The following DGUOK variants were observed in gnomAD, a reference collection of about 807,000 sequenced individuals.
DGUOK encodes deoxyguanosine kinase.
A neutral mutation model predicts 36.6 loss-of-function variants in DGUOK; 30 were observed. The ratio of observed to expected loss-of-function variants is 0.82; its 90% CI spans 0.61 to 1.11. The LOEUF is 1.11. Among genes scored for constraint, DGUOK ranks in the 50% most tolerant of loss-of-function variants. The pLI is 0.00. For missense variants in DGUOK, 361 were observed against 336.4 expected (o/e 1.07, Z -0.57); for synonymous variants, 145 against 126.3 (o/e 1.15, Z -0.99).
Position 73,926,906 on chromosome 2 carries a change from G to A in DGUOK, c.-5G>A, listed in dbSNP as rs756028511. 1.2e-6 allele frequency: 2 copies of A among 1,613,372 alleles called. No homozygotes were observed. The highest frequency in any genetic ancestry group is 1.7e-6 in the Non-Finnish European group (2 of 1,180,008). On this transcript the variant is annotated 5_prime_UTR_variant, in exon 1 of 7. In the 5' UTR this introduces an upstream ATG that the reference lacks. Transcript: ENST00000264093. ...GAAGTGATCGCTGTGTGAATCGTGG[G>A]TGGGATGGCCGCGGGCCGCCTCTTT...
intron 2 of DGUOK, among the ~76,000 whole-genome samples, chr2:73,945,315 T>C (rs984099101): frequency 1.2e-4 from 18 of 152,232 alleles, no homozygotes; most frequent in Admixed American, 8.5e-4. Flanking sequence ...ACATTCCAGC[T>C]TCGTACATCC....
chr2:73,935,180 G>A (rs1326306328), intron 1 of DGUOK, among the ~76,000 whole-genome samples: 1 of 152,202 alleles, frequency 6.6e-6, no homozygotes, highest in Non-Finnish European at 1.5e-5. Context: ...GGCAGAGGTT[G>A]CTGTGAGCCA....
chr2:73,946,119 G>A (rs923003274), intron 2 of DGUOK, among the ~76,000 whole-genome samples: 2 of 151,662 alleles, frequency 1.3e-5, no homozygotes, highest in African/African-American at 2.4e-5. Context: ...TGCACATGCC[G>A]AGTAAGTGGA....
rs1573581710 is a variant in DGUOK, at chr2:73,957,202, T to TG, written c.671dup (p.Gln225ProfsTer16). On this transcript the variant is annotated frameshift_variant, in exon 5 of 7. Transcript: ENST00000264093. LOFTEE classifies it high-confidence loss of function. Reference sequence around the variant, plus strand: ...AGCTGGCCTATCTAGAGCAGCTGCATGGCCAACACGAAGCCTGGCTTATTC... The same window carrying TG: ...AGCTGGCCTATCTAGAGCAGCTGCATGGGCCAACACGAAGCCTGGCTTATTC... 1.2e-6 allele frequency: 2 copies of TG among 1,614,122 alleles called. No homozygotes were observed. Among genetic ancestry groups the TG allele is most frequent in the Non-Finnish European group, 1.7e-6 (2 of 1,180,004 alleles).
chr2:73,931,717 A>G (rs371249765), intron 1 of DGUOK, among the ~76,000 whole-genome samples: 3 of 152,254 alleles, frequency 2.0e-5, no homozygotes, highest in South Asian at 2.1e-4. Context: ...TGTTTGCTGC[A>G]GTACCCATAG....
At chr2:73,930,782 CTTTTTTTTTTTCTTTTTTTTTT>C (rs1285056513) in intron 1 of DGUOK, among the ~76,000 whole-genome samples, 1 of 95,476 alleles carries the variant, frequency 1.0e-5, no homozygotes, top group Non-Finnish European at 2.2e-5. Context: ...ACATAATTTT[CTTTTTTTTTTTCTTTTTTTTTT>C]TTTTTTTTTG....
chr2:73,957,478 A>C (rs1412793605), intron 5 of DGUOK, among the ~76,000 whole-genome samples: 1 of 152,198 alleles, frequency 6.6e-6, no homozygotes. Context: ...ATTCAAGACC[A>C]GCCTGGCCAA....
At chr2:73,954,054 T>C (rs926741485) in intron 4 of DGUOK, among the ~76,000 whole-genome samples, 3 of 151,850 alleles carry the variant, frequency 2.0e-5, no homozygotes, top group African/African-American at 7.2e-5. Context: ...CGGGCCAGAC[T>C]GGACCAGGCG....
At chr2:73,932,573 G>A in intron 1 of DGUOK, 1 of 1,257,318 alleles carries the variant, frequency 8.0e-7, no homozygotes, top group Non-Finnish European at 1.0e-6. Context: ...TTTAAATCAA[G>A]AGTGATCATC....
chr2:73,954,944 AT>A (rs973656945), intron 4 of DGUOK, among the ~76,000 whole-genome samples: 1 of 152,162 alleles, frequency 6.6e-6, no homozygotes, highest in African/African-American at 2.4e-5. Flanking sequence ...TTTGCACGGG[AT>A]TTTTTTAAAT....
chr2:73,944,928 G>T (rs1356718185), intron 2 of DGUOK, among the ~76,000 whole-genome samples: 3 of 150,066 alleles, frequency 2.0e-5, no homozygotes, highest in Non-Finnish European at 4.4e-5. Context: ...CTTAGTCAGG[G>T]GCCACGTGTG....
intron 1 of DGUOK, among the ~76,000 whole-genome samples, chr2:73,932,009 G>A (rs1348633861): frequency 6.6e-6 from 1 of 152,130 alleles, no homozygotes; most frequent in East Asian, 1.9e-4. Context: ...GGGGAGGTTA[G>A]AGTGATATGT....
intron 1 of DGUOK, among the ~76,000 whole-genome samples, chr2:73,931,667 A>G (rs1232754261): frequency 6.6e-6 from 1 of 152,174 alleles, no homozygotes; most frequent in Non-Finnish European, 1.5e-5. Flanking sequence ...GTAGGATGAG[A>G]AAGAAAGCTC....
chr2:73,951,021 T>C (rs2104965082), intron 4 of DGUOK, among the ~76,000 whole-genome samples: 1 of 152,226 alleles, frequency 6.6e-6, no homozygotes, highest in Admixed American at 6.5e-5. Flanking sequence ...GGTTTGCAGG[T>C]GGGACGCTCT....
rs763441864 is a variant in DGUOK, at chr2:73,958,136, C to T, written c.708-10C>T. 1.2e-6 allele frequency: 2 copies of T among 1,610,826 alleles called. No individual in the cohort carries two copies. The highest frequency in any genetic ancestry group is 1.7e-6 in the Non-Finnish European group (2 of 1,177,186). ...TTTTTCTGTCCCCCAAACGTTCACG[C>T]TTCTTATAGGCTCCACTTTGAGGCT... On this transcript the variant is annotated splice_polypyrimidine_tract_variant and intron_variant, in intron 5 of 6. Transcript: ENST00000264093.
intron 1 of DGUOK, among the ~76,000 whole-genome samples, chr2:73,935,403 A>C (rs1681380943): frequency 6.6e-6 from 1 of 151,692 alleles, no homozygotes; most frequent in Admixed American, 6.6e-5. Flanking sequence ...AAACACCACC[A>C]CTCTTAGGAA....
intron 2 of DGUOK, among the ~76,000 whole-genome samples, chr2:73,943,615 A>C (rs1027955019): frequency 1.3e-5 from 2 of 151,518 alleles, no homozygotes; most frequent in Non-Finnish European, 2.9e-5. Flanking sequence ...GAGGGGAATC[A>C]TTATTGGACA....
intron 2 of DGUOK, among the ~76,000 whole-genome samples, chr2:73,942,775 C>T (rs1036166673): frequency 6.6e-6 from 1 of 152,174 alleles, no homozygotes; most frequent in Non-Finnish European, 1.5e-5. Context: ...TTATCTTGTT[C>T]TGTCATTAAT....
intron 2 of DGUOK, among the ~76,000 whole-genome samples, chr2:73,940,612 A>G (rs1273490547): frequency 6.6e-6 from 1 of 152,246 alleles, no homozygotes; most frequent in Non-Finnish European, 1.5e-5. Flanking sequence ...AAATACAGTC[A>G]TGGGCTGCAT....
Sources: gnomAD v4.1 joint callset for allele counts (sites outside exome capture counted in the v4.1 genomes callset) on GRCh38, gnomAD v4.1.1 for gene constraint, MANE v1.5 for transcripts, NCBI Gene and HGNC (gene_info 2026-07-23, HGNC 2026-07-21) for gene names.